Variants in ITGA1 observed in about 807,000 individuals in gnomAD.
ITGA1 encodes integrin subunit alpha 1, also known as integrin alpha-1.
Under a neutral mutation model 145.9 loss-of-function variants are expected in ITGA1, and 85 were observed. The observed-to-expected ratio is 0.58, with a 90% CI of 0.49 to 0.70. The LOEUF (loss-of-function observed/expected upper bound fraction) is 0.70, where lower values mean the gene tolerates loss of function less well. ITGA1 is among the 30% of genes least tolerant of loss of function. The probability of loss-of-function intolerance (pLI) is 0.00; values close to 1 mark genes in which losing one functional copy is unlikely to be tolerated. For missense variants in ITGA1, 1,351 were observed against 1,418.7 expected (o/e 0.95, Z 0.77); for synonymous variants, 520 against 495.3 (o/e 1.05, Z -0.66).
chr5:52,901,774 G>T (rs1302938627), intron 11 of ITGA1: 1 of 152,150 alleles, frequency 6.6e-6, no homozygotes, highest in Non-Finnish European at 1.5e-5. Context: ...TCTTATTTCT[G>T]AGCACAGTAT....
At chr5:52,921,973 A>G (rs1750734872) in intron 17 of ITGA1, among the ~76,000 whole-genome samples, 1 of 152,198 alleles carries the variant, frequency 6.6e-6, no homozygotes, top group African/African-American at 2.4e-5. Context: ...AACAGTATTA[A>G]TCATATTCAC....
intron 1 of ITGA1, chr5:52,801,641 A>T (rs1321319030): frequency 6.2e-7 from 1 of 1,614,184 alleles, no homozygotes; most frequent in South Asian, 1.1e-5. Flanking sequence ...CTCTTCAGGC[A>T]TCAGGATGTA....
At chr5:52,870,182 T>C (rs1253756242) in intron 6 of ITGA1, among the ~76,000 whole-genome samples, 1 of 152,218 alleles carries the variant, frequency 6.6e-6, no homozygotes, top group Non-Finnish European at 1.5e-5. Flanking sequence ...TTTAAATCCA[T>C]TTGATTTGTT....
At chr5:52,808,450 G>A (rs1019650601) in intron 1 of ITGA1, among the ~76,000 whole-genome samples, 4 of 152,056 alleles carry the variant, frequency 2.6e-5, no homozygotes, top group East Asian at 1.9e-4. Flanking sequence ...TCAAGTCTAC[G>A]TTCCAGAAGT....
At chr5:52,849,249 C>CT (rs200460098) in intron 1 of ITGA1, 116 bp from the exon 2 acceptor site, 787 of 856,716 alleles carry the variant, frequency 9.2e-4, no homozygotes, top group Non-Finnish European at 1.0e-3. Flanking sequence ...CTTTGAGCTT[C>CT]TTTTTTTTTA....
intron 8 of ITGA1, 132 bp downstream of exon 8, chr5:52,888,097 G>T: frequency 1.1e-6 from 1 of 872,646 alleles, no homozygotes; most frequent in Non-Finnish European, 1.7e-6. Context: ...GGTAAGCCCT[G>T]GGAGGACAGA....
chr5:52,851,351 C>T (rs924376153), intron 2 of ITGA1, among the ~76,000 whole-genome samples: 8 of 152,118 alleles, frequency 5.3e-5, no homozygotes, highest in Admixed American at 1.3e-4. Context: ...CCCATTTGAT[C>T]TCTTTAGTCA....
chr5:52,838,024 ATTTCT>A (rs1217943357), intron 1 of ITGA1, among the ~76,000 whole-genome samples: 4 of 152,090 alleles, frequency 2.6e-5, no homozygotes, highest in Admixed American at 2.0e-4. Flanking sequence ...ATACTTTCTG[ATTTCT>A]TTTCTAAGCG....
At chr5:52,832,990 G>A (rs965268835) in intron 1 of ITGA1, among the ~76,000 whole-genome samples, 9 of 143,660 alleles carry the variant, frequency 6.3e-5, no homozygotes, top group Non-Finnish European at 9.3e-5. Context: ...TCAAGAGCTC[G>A]AGACCAGCCT....
At chr5:52,891,676 T>A (rs910109273) in intron 8 of ITGA1, among the ~76,000 whole-genome samples, 4 of 86,974 alleles carry the variant, frequency 4.6e-5, no homozygotes, top group African/African-American at 1.1e-4. Flanking sequence ...TTAAAAAAAA[T>A]ATTGAAGCAA....
intron 1 of ITGA1, among the ~76,000 whole-genome samples, chr5:52,832,631 A>G (rs1282466313): frequency 6.6e-6 from 1 of 152,184 alleles, no homozygotes; most frequent in Non-Finnish European, 1.5e-5. Flanking sequence ...CAAGAATTAT[A>G]TAACCAAATA....
At position 52,922,861 on chromosome 5, in the gene ITGA1, T is replaced by G. The variant is rs765770448; in HGVS notation, c.2377T>G (p.Ser793Ala). ...DPENGPVLDD[S>A]LPNSVHEYIP... Reference sequence around the variant, plus strand: ...AGAAAATGGGCCTGTTCTTGATGATTCTCTACCAAACTCAGTACATGAATA... The same window carrying G: ...AGAAAATGGGCCTGTTCTTGATGATGCTCTACCAAACTCAGTACATGAATA... Residue 793 changes from serine (S) to alanine (A), a missense_variant, in exon 18 of 29, where the codon TCT becomes GCT. Physicochemically the swap from Ser to Ala is moderately conservative, Grantham distance 99 (BLOSUM62 1). Transcript: ENST00000282588. 6.2e-6 allele frequency: 10 copies of G among 1,607,510 alleles called. No individual in the cohort carries two copies. Among genetic ancestry groups the G allele is most frequent in the Middle Eastern group, 3.3e-4 (2 of 6,074 alleles).
At chr5:52,948,838 G>C (rs1042115078) in intron 28 of ITGA1, 3 of 152,116 alleles carry the variant, frequency 2.0e-5, no homozygotes, top group Non-Finnish European at 4.4e-5. Context: ...TATGGTTTTA[G>C]AACACCGCTG....
chr5:52,809,782 C>A (rs11743864), intron 1 of ITGA1, among the ~76,000 whole-genome samples: 40,128 of 151,878 alleles, frequency 0.26, 5,574 homozygotes, highest in Non-Finnish European at 0.3. Flanking sequence ...GGATTACAGG[C>A]GTGAGTCACT....
At chr5:52,866,774 A>G (rs961711661) in intron 6 of ITGA1, among the ~76,000 whole-genome samples, 1 of 152,212 alleles carries the variant, frequency 6.6e-6, no homozygotes, top group African/African-American at 2.4e-5. Flanking sequence ...GTTTAATTTA[A>G]TTACATTTAA....
chr5:52,892,757 G>A (rs1173225147), intron 8 of ITGA1, among the ~76,000 whole-genome samples: 2 of 151,982 alleles, frequency 1.3e-5, no homozygotes, highest in African/African-American at 4.8e-5. Flanking sequence ...CATACTATAT[G>A]ATTCCTTAAA....
intron 14 of ITGA1, 111 bp downstream of exon 14, chr5:52,910,530 G>A: frequency 1.7e-6 from 2 of 1,172,648 alleles, no homozygotes; most frequent in South Asian, 3.2e-5. Flanking sequence ...TGACCTTATT[G>A]GGAAACTGGA....
chr5:52,811,033 T>G (rs1466811719), intron 1 of ITGA1, among the ~76,000 whole-genome samples: 1 of 152,210 alleles, frequency 6.6e-6, no homozygotes, highest in African/African-American at 2.4e-5. Context: ...CTTTCACATC[T>G]GTATGAAATT....
chr5:52,909,979 A>G (rs1466230215), intron 13 of ITGA1, among the ~76,000 whole-genome samples, 183 bp from the exon 14 acceptor site: 1 of 152,130 alleles, frequency 6.6e-6, no homozygotes, highest in Non-Finnish European at 1.5e-5. Context: ...CCACACTTCT[A>G]CCATCTGCTC....
Sources: allele counts gnomAD v4.1 joint callset (sites outside exome capture counted in the v4.1 genomes callset), GRCh38; gene constraint gnomAD v4.1.1; transcripts MANE v1.5; gene names NCBI Gene and HGNC (gene_info 2026-07-23, HGNC 2026-07-21).